Variants in DCLK1 observed in about 807,000 individuals in gnomAD.
DCLK1 encodes the protein serine/threonine-protein kinase DCLK1.
Under a neutral mutation model 86.2 loss-of-function variants are expected in DCLK1, and 16 were observed. That is an observed-to-expected ratio of 0.19 (90% CI 0.13 to 0.28). DCLK1 has a LOEUF of 0.28. Ranked by LOEUF, DCLK1 falls within the 10% of genes least tolerant of loss-of-function variation. DCLK1 has a pLI of 1.00. For missense variants in DCLK1, 590 were observed against 940.2 expected, an observed-to-expected ratio of 0.63 and a Z score of 4.87; for synonymous variants, 369 against 370.5, an observed-to-expected ratio of 1.00 and a Z score of 0.05.
rs1246719891 is a variant in DCLK1, at chr13:35,825,107, C to A, written c.1408-2232G>T. On this transcript the variant is annotated intron_variant, in intron 10 of 16. Transcript: ENST00000360631. ...CCTGATGAGCATGGAATTTCATTCT[C>A]ATTAACTGCCGATCCACTGCCGTCC... Among the ~76,000 whole-genome samples, 4 of 152,214 alleles carry A rather than the reference C, an allele frequency of 2.6e-5. No homozygotes were observed. The South Asian group carries it at 8.3e-4, about 32-fold the overall frequency.
intron 11 of DCLK1, 150 bp from the exon 12 acceptor site, chr13:35,811,118 T>G: frequency 1.1e-6 from 1 of 901,024 alleles, no homozygotes. Flanking sequence ...ACATACAAAA[T>G]AGCTTACTTC....
At chr13:36,042,448 C>A (rs1313365709) in intron 3 of DCLK1, among the ~76,000 whole-genome samples, 2 of 152,190 alleles carry the variant, frequency 1.3e-5, no homozygotes, top group Non-Finnish European at 2.9e-5. Context: ...GAAACATTCT[C>A]CACCTCCTAT....
At chr13:36,040,444 A>T (rs1245568205) in intron 3 of DCLK1, among the ~76,000 whole-genome samples, 1 of 148,484 alleles carries the variant, frequency 6.7e-6, no homozygotes. Context: ...AGATTATAGG[A>T]TTTGGGGAGG....
chr13:35,863,902 G>A (rs1307126175), intron 5 of DCLK1, among the ~76,000 whole-genome samples: 1 of 152,158 alleles, frequency 6.6e-6, no homozygotes, highest in Non-Finnish European at 1.5e-5. Flanking sequence ...AATTTAAATA[G>A]CATGAATAAA....
At chr13:35,795,483 T>C (rs546664623) in intron 15 of DCLK1, among the ~76,000 whole-genome samples, 3 of 152,360 alleles carry the variant, frequency 2.0e-5, no homozygotes, top group Non-Finnish European at 4.4e-5. Context: ...ACTGTGGTAT[T>C]TTTATAGTAC....
intron 3 of DCLK1, among the ~76,000 whole-genome samples, chr13:36,059,750 G>C (rs1883468503): frequency 6.6e-6 from 1 of 151,980 alleles, no homozygotes; most frequent in South Asian, 2.1e-4. Flanking sequence ...AACCCCTCTT[G>C]CTTATATTGT....
intron 5 of DCLK1, among the ~76,000 whole-genome samples, chr13:35,862,487 T>C (rs902530720): frequency 1.3e-5 from 2 of 152,198 alleles, no homozygotes; most frequent in African/African-American, 4.8e-5. Context: ...TGGCCTTTCA[T>C]GTGTAGCAAT....
In DCLK1 at chr13:36,013,889, G is replaced by T. The variant is rs963551852; in HGVS notation, c.724-66432C>A. Among the ~76,000 whole-genome samples, 10 of 152,208 alleles carry T rather than the reference G, an allele frequency of 6.6e-5. No homozygotes were observed. The South Asian group carries it at 2.1e-3, about 31-fold the overall frequency. ...GCTAGCAATCAGCGAGATTCCGTGGGCTTAGGACCCTCCGAGCCAGGTGTG... is the reference window on the plus strand; with the variant it reads ...GCTAGCAATCAGCGAGATTCCGTGGTCTTAGGACCCTCCGAGCCAGGTGTG... On this transcript the variant is annotated intron_variant, in intron 3 of 16. Coordinates refer to ENST00000360631, the MANE Select transcript of DCLK1 (RefSeq NM_001330071.2).
chr13:36,016,243 A>G (rs1881533750), intron 3 of DCLK1, among the ~76,000 whole-genome samples: 1 of 152,192 alleles, frequency 6.6e-6, no homozygotes, highest in Non-Finnish European at 1.5e-5. Flanking sequence ...ACTCTACAGA[A>G]TAGGTTTGCA....
intron 4 of DCLK1, among the ~76,000 whole-genome samples, chr13:35,923,884 A>G (rs575116961): frequency 6.6e-6 from 1 of 152,294 alleles, no homozygotes; most frequent in Non-Finnish European, 1.5e-5. Context: ...TGATGCTCAC[A>G]AGACAGTAAG....
chr13:35,808,365 A>C, intron 13 of DCLK1, 45 bp from the exon 14 acceptor site: 24 of 1,496,480 alleles, frequency 1.6e-5, no homozygotes, highest in Non-Finnish European at 2.1e-5. Context: ...CTAAGATATC[A>C]ACTCAGTGTA....
chr13:35,846,694 A>G, intron 6 of DCLK1: 4 of 985,372 alleles, frequency 4.1e-6, no homozygotes, highest in Non-Finnish European at 4.8e-6. Flanking sequence ...GCCTCTGTGC[A>G]ATATTTCAAT....
chr13:36,003,363 T>C (rs1481459356), intron 3 of DCLK1, among the ~76,000 whole-genome samples: 1 of 152,198 alleles, frequency 6.6e-6, no homozygotes, highest in African/African-American at 2.4e-5. Context: ...ATATTATTAC[T>C]GGTTTGGAGA....
At chr13:35,847,084 A>G in intron 6 of DCLK1, 1 of 983,306 alleles carries the variant, frequency 1.0e-6, no homozygotes, top group Non-Finnish European at 1.2e-6. Flanking sequence ...TACACACACA[A>G]TAGAAAAAAA....
chr13:36,006,652 T>C (rs1312815680), intron 3 of DCLK1, among the ~76,000 whole-genome samples: 2 of 152,170 alleles, frequency 1.3e-5, no homozygotes, highest in Non-Finnish European at 2.9e-5. Context: ...AAAAATTACT[T>C]CATTTTGTTG....
chr13:35,908,399 G>C (rs9545679), intron 4 of DCLK1, among the ~76,000 whole-genome samples: 25,727 of 152,046 alleles, frequency 0.17, 2,648 homozygotes, highest in East Asian at 0.34. Flanking sequence ...TAAGGACAAA[G>C]AAAAAGACCT....
chr13:35,819,938 A>G (rs1473196023), intron 11 of DCLK1, among the ~76,000 whole-genome samples: 1 of 152,196 alleles, frequency 6.6e-6, no homozygotes, highest in Non-Finnish European at 1.5e-5. Context: ...CCCCTTAAAG[A>G]TAAAGGCTTG....
At chr13:35,788,275 C>G in intron 16 of DCLK1, 1 of 1,613,868 alleles carries the variant, frequency 6.2e-7, no homozygotes. Context: ...GATGGTAAAC[C>G]CGTGGTCCAG....
intron 3 of DCLK1, among the ~76,000 whole-genome samples, chr13:36,029,963 AG>A (rs1882202913): frequency 6.6e-6 from 1 of 152,220 alleles, no homozygotes; most frequent in Admixed American, 6.5e-5. Flanking sequence ...CACACGGTTC[AG>A]AAAGGTTAAG....
Sources: gnomAD v4.1 joint callset for allele counts (sites outside exome capture counted in the v4.1 genomes callset) on GRCh38, gnomAD v4.1.1 for gene constraint, MANE v1.5 for transcripts, NCBI Gene and HGNC (gene_info 2026-07-23, HGNC 2026-07-21) for gene names.